Variants in TESC observed in about 807,000 individuals in gnomAD.
TESC encodes tescalcin, also known as calcineurin B homologous protein 3.
A neutral mutation model predicts 31.0 loss-of-function variants in TESC; 19 were observed. The ratio of observed to expected loss-of-function variants is 0.61; its 90% CI spans 0.43 to 0.90. TESC has a LOEUF of 0.90. Among genes scored for constraint, TESC ranks in the 40% least tolerant of loss-of-function variants. The pLI is 0.00. For synonymous variants in TESC, 109 were observed against 114.8 expected, an observed-to-expected ratio of 0.95 and a Z score of 0.32; for missense variants, 248 against 303.8, an observed-to-expected ratio of 0.82 and a Z score of 1.36.
intron 2 of TESC, among the ~76,000 whole-genome samples, chr12:117,066,058 T>A (rs183332197): frequency 2.0e-4 from 31 of 152,122 alleles, no homozygotes; most frequent in Non-Finnish European, 2.8e-4. Context: ...CTCCCTCTTC[T>A]CTTCACACAC....
chr12:117,099,133 G>T, intron 1 of TESC, 92 bp downstream of exon 1: 1 of 1,362,640 alleles, frequency 7.3e-7, no homozygotes, highest in Non-Finnish European at 9.6e-7. Flanking sequence ...ACTGGCCCAA[G>T]GTCACACAGC....
chr12:117,056,910 C>G, intron 2 of TESC, 24 bp from the exon 3 acceptor site: 1 of 1,612,088 alleles, frequency 6.2e-7, no homozygotes. Flanking sequence ...AGGAGAGATA[C>G]CGGGAAGAGA....
At chr12:117,066,248 C>T (rs1954879412) in intron 2 of TESC, among the ~76,000 whole-genome samples, 1 of 134,276 alleles carries the variant, frequency 7.4e-6, no homozygotes, top group Non-Finnish European at 1.5e-5. Context: ...ACTCTATCGC[C>T]CAGGCTGGAG....
intron 2 of TESC, among the ~76,000 whole-genome samples, chr12:117,061,937 G>A (rs1014947619): frequency 6.6e-6 from 1 of 152,124 alleles, no homozygotes; most frequent in African/African-American, 2.4e-5. Flanking sequence ...GAATATCCAG[G>A]TAACATGATG....
At chr12:117,089,553 A>G (rs1293414716) in intron 1 of TESC, among the ~76,000 whole-genome samples, 1 of 152,206 alleles carries the variant, frequency 6.6e-6, no homozygotes, top group East Asian at 1.9e-4. Flanking sequence ...ACCATACCCT[A>G]TGAAAAAGAG....
intron 3 of TESC, among the ~76,000 whole-genome samples, chr12:117,050,533 T>C (rs533817399): frequency 1.6e-3 from 237 of 152,348 alleles, no homozygotes; most frequent in Non-Finnish European, 2.7e-3. Flanking sequence ...GCTGGTGTTC[T>C]GGGGGATGGG....
chr12:117,098,160 G>A (rs1391847695), intron 1 of TESC, among the ~76,000 whole-genome samples: 2 of 152,190 alleles, frequency 1.3e-5, no homozygotes, highest in Admixed American at 1.3e-4. Context: ...GATCAATACT[G>A]GACGCTGGTT....
At chr12:117,070,872 G>A (rs1954961458) in intron 2 of TESC, among the ~76,000 whole-genome samples, 1 of 152,164 alleles carries the variant, frequency 6.6e-6, no homozygotes, top group Non-Finnish European at 1.5e-5. Flanking sequence ...TCAGGAGGCT[G>A]AAGCAGGAGG....
At chr12:117,059,318 G>A (rs1200656849) in intron 2 of TESC, among the ~76,000 whole-genome samples, 9 of 152,190 alleles carry the variant, frequency 5.9e-5, no homozygotes, top group African/African-American at 9.7e-5. Flanking sequence ...GCCGATTCCC[G>A]GGTCCCTCTG....
At chr12:117,052,950 C>G (rs1185816870) in intron 3 of TESC, among the ~76,000 whole-genome samples, 3 of 63,854 alleles carry the variant, frequency 4.7e-5, no homozygotes, top group Admixed American at 2.3e-4. Flanking sequence ...CTCCCCAGTT[C>G]TCCTGGTAAT....
chr12:117,056,223 A>AATT (rs1954722311), intron 3 of TESC, among the ~76,000 whole-genome samples: 1 of 151,962 alleles, frequency 6.6e-6, no homozygotes, highest in African/African-American at 2.4e-5. Flanking sequence ...TGCCCTGCTA[A>AATT]TTCTTTTATT....
At chr12:117,051,045 G>A (rs533197158) in intron 3 of TESC, among the ~76,000 whole-genome samples, 1 of 152,338 alleles carries the variant, frequency 6.6e-6, no homozygotes, top group South Asian at 2.1e-4. Context: ...GGGGCAGGCT[G>A]TCATATGGCT....
Position 117,046,553 on chromosome 12 carries a change from G to A in TESC, c.519+6C>T, listed in dbSNP as rs989532931. 4.5e-6 allele frequency: 7 copies of A among 1,547,064 alleles called. No individual in the cohort carries two copies. The highest frequency in any genetic ancestry group is 3.9e-5 in the Admixed American group (2 of 50,820). On this transcript the variant is annotated splice_donor_region_variant and intron_variant, in intron 6 of 7. Transcript: ENST00000335209. Reference sequence around the variant, plus strand: ...CGCGTCTCGGGAGGGCTGCAGGGGCGCTCACCATCTGCCCCATGCACACGC... The same window carrying A: ...CGCGTCTCGGGAGGGCTGCAGGGGCACTCACCATCTGCCCCATGCACACGC...
chr12:117,084,848 A>AC (rs1481821663), intron 1 of TESC, among the ~76,000 whole-genome samples: 2 of 151,796 alleles, frequency 1.3e-5, no homozygotes, highest in Non-Finnish European at 2.9e-5. Flanking sequence ...TCTTCCCACA[A>AC]CCCCTGCTGG....
At chr12:117,057,777 G>T (rs1954746080) in intron 2 of TESC, among the ~76,000 whole-genome samples, 1 of 151,906 alleles carries the variant, frequency 6.6e-6, no homozygotes, top group Non-Finnish European at 1.5e-5. Context: ...TTGTTTGTTT[G>T]TTTTTTGAGA....
At chr12:117,081,567 G>A (rs949326955) in intron 1 of TESC, among the ~76,000 whole-genome samples, 5 of 152,160 alleles carry the variant, frequency 3.3e-5, no homozygotes, top group African/African-American at 1.2e-4. Context: ...GGCGTATAAA[G>A]ATGAACAGAT....
intron 3 of TESC, among the ~76,000 whole-genome samples, chr12:117,052,234 G>A (rs748276664): frequency 5.9e-5 from 9 of 152,152 alleles, no homozygotes; most frequent in Non-Finnish European, 1.0e-4. Context: ...GGAATGGGGC[G>A]CCCTGGAGGT....
intron 1 of TESC, among the ~76,000 whole-genome samples, chr12:117,093,053 G>A (rs1208689180): frequency 6.6e-6 from 1 of 152,160 alleles, no homozygotes; most frequent in African/African-American, 2.4e-5. Flanking sequence ...TGGCTGTTCA[G>A]CTTACCAAGC....
intron 2 of TESC, among the ~76,000 whole-genome samples, chr12:117,060,327 G>A (rs893847585): frequency 5.3e-5 from 8 of 152,246 alleles, no homozygotes; most frequent in Admixed American, 4.6e-4. Context: ...GGGAATATGG[G>A]GGCCTTTTGG....
Sources: allele counts gnomAD v4.1 joint callset (sites outside exome capture counted in the v4.1 genomes callset), GRCh38; gene constraint gnomAD v4.1.1; transcripts MANE v1.5; gene names NCBI Gene and HGNC (gene_info 2026-07-23, HGNC 2026-07-21).